The following CCR6 variants were observed in gnomAD, a reference collection of about 807,000 sequenced individuals.
CCR6 encodes C-C chemokine receptor type 6.
CCR6 carries 2 observed loss-of-function variants against 3.0 expected under a neutral mutation model. That is an observed-to-expected ratio of 0.66 (90% CI 0.27 to 2.07). The LOEUF is 2.07. Among genes scored for constraint, CCR6 ranks in the 30% most tolerant of loss-of-function variants. CCR6 has a pLI of 0.14. For missense variants in CCR6, 322 were observed against 462.8 expected (o/e 0.70, Z 2.79); for synonymous variants, 193 against 184.3 (o/e 1.05, Z -0.38).
intron 1 of CCR6, among the ~76,000 whole-genome samples, chr6:167,117,380 G>A (rs1256781691): frequency 6.7e-6 from 1 of 148,892 alleles, no homozygotes; most frequent in South Asian, 2.1e-4. Flanking sequence ...TCCTGGGTTT[G>A]CTGCTTACCG....
intron 1 of CCR6, among the ~76,000 whole-genome samples, chr6:167,130,951 C>T (rs9366091): frequency 0.039 from 5,698 of 147,572 alleles, 168 homozygotes; most frequent in East Asian, 0.079. Flanking sequence ...GCCCCCCTCC[C>T]TCCGGGACTC....
chr6:167,133,932 G>GTGTGTGTATATATATATATATA (rs1183741225), intron 1 of CCR6, among the ~76,000 whole-genome samples: 12 of 110,396 alleles, frequency 1.1e-4, no homozygotes, highest in East Asian at 2.6e-4. Context: ...ATATATGTGT[G>GTGTGTGTATATATATATATATA]TATATATATA....
chr6:167,120,708 A>G (rs181657698), upstream of CCR6, among the ~76,000 whole-genome samples: 1 of 152,260 alleles, frequency 6.6e-6, no homozygotes, highest in Non-Finnish European at 1.5e-5. Context: ...TTGCTGTGGA[A>G]TTTTCTGCCT....
upstream of CCR6, among the ~76,000 whole-genome samples, chr6:167,118,883 T>G (rs3093027): frequency 0.19 from 28,579 of 152,124 alleles, 4,401 homozygotes; most frequent in African/African-American, 0.42. Flanking sequence ...CTGGACGCCC[T>G]TGGTCCCGGC....
Position 167,136,198 on chromosome 6 carries a change from A to G in CCR6, c.10-42A>G. On this transcript the variant is annotated intron_variant, in intron 2 of 2. Transcript: ENST00000341935. The surrounding 1 kb of genome is among the most constrained non-coding windows in gnomAD (Gnocchi z 4.6). ...AATTTGGGTTCACTGTGGCTACTTG[A>G]ACACTACACTGCAGCTAACTCTATC... The G allele has an allele frequency of 6.2e-7, 1 of 1,611,732 alleles. No homozygotes were observed. The highest frequency in any genetic ancestry group is 8.5e-7 in the Non-Finnish European group (1 of 1,178,922).
chr6:167,114,034 G>A (rs934367874), intron 1 of CCR6, among the ~76,000 whole-genome samples: 1 of 152,224 alleles, frequency 6.6e-6, no homozygotes, highest in African/African-American at 2.4e-5. Flanking sequence ...GGGTGGACCA[G>A]GTCACACAAC....
chr6:167,130,310 G>T (rs998881697), intron 1 of CCR6, among the ~76,000 whole-genome samples: 1 of 151,780 alleles, frequency 6.6e-6, no homozygotes, highest in Non-Finnish European at 1.5e-5. Context: ...TCTGCCACTC[G>T]TAGATAACAG....
At chr6:167,131,546 G>A (rs41501249) in intron 1 of CCR6, 5,586 of 152,796 alleles carry the variant, frequency 0.037, 345 homozygotes, top group African/African-American at 0.13. Context: ...GTCCAACCCT[G>A]CAGCGACCGC....
intron 1 of CCR6, among the ~76,000 whole-genome samples, chr6:167,133,097 C>T (rs1256942866): frequency 3.3e-5 from 5 of 152,126 alleles, no homozygotes; most frequent in African/African-American, 4.8e-5. Flanking sequence ...GAGTGTCTTT[C>T]AAAGAGCAGA....
rs1781613795 is a variant in CCR6, at chr6:167,123,137, A to T, written c.-184A>T. On this transcript the variant is annotated 5_prime_UTR_variant, in exon 1 of 3. Transcript: ENST00000341935. ...CTGCTAGAAGCTGCATCTTATTGAC[A>T]GATGGTCATCACATTGGTGAGCTGG... 1 of 152,822 alleles carries T rather than the reference A, an allele frequency of 6.5e-6. No homozygotes were observed. Among genetic ancestry groups the T allele is most frequent in the Non-Finnish European group, 1.5e-5 (1 of 68,046 alleles). The allele number at this position is 152,822 out of a possible 1,614,324, so 9.5% of individuals were successfully genotyped here.
chr6:167,134,702 T>TTCC (rs1239414492), intron 1 of CCR6, among the ~76,000 whole-genome samples: 3 of 152,198 alleles, frequency 2.0e-5, no homozygotes, highest in African/African-American at 7.2e-5. Context: ...GGGGCTGCAC[T>TTCC]TCCCTAGCTG....
upstream of CCR6, chr6:167,120,740 A>G (rs935618248): frequency 6.6e-6 from 1 of 152,262 alleles, no homozygotes; most frequent in East Asian, 1.9e-4. Flanking sequence ...GTTATGAAAC[A>G]TGTGACTGTA....
At chr6:167,134,307 GC>G (rs1455916138) in intron 1 of CCR6, among the ~76,000 whole-genome samples, 2 of 152,122 alleles carry the variant, frequency 1.3e-5, no homozygotes, top group African/African-American at 4.8e-5. Flanking sequence ...CTCGTCACAT[GC>G]TTTTGCAACA....
chr6:167,133,670 G>A (rs1376735075), intron 1 of CCR6, among the ~76,000 whole-genome samples: 1 of 150,402 alleles, frequency 6.6e-6, no homozygotes, highest in Admixed American at 6.6e-5. Context: ...TTTAGTTTAT[G>A]TTGTATCTAC....
intron 1 of CCR6, among the ~76,000 whole-genome samples, chr6:167,114,392 C>G (rs1781462711): frequency 6.6e-6 from 1 of 152,182 alleles, no homozygotes. Flanking sequence ...GAGAGGAGTT[C>G]AGAATCACAG....
chr6:167,129,663 T>C (rs965581462), intron 1 of CCR6: 6 of 151,636 alleles, frequency 4.0e-5, no homozygotes, highest in African/African-American at 1.5e-4. Flanking sequence ...CTTTCTCTTG[T>C]CTTCAGAACA....
At chr6:167,133,381 C>G (rs1193462961) in intron 1 of CCR6, among the ~76,000 whole-genome samples, 2 of 152,120 alleles carry the variant, frequency 1.3e-5, no homozygotes, top group Non-Finnish European at 2.9e-5. Flanking sequence ...ATTGAGTTAC[C>G]TTGGCACCTA....
chr6:167,114,335 T>C (rs1251802135), intron 1 of CCR6, among the ~76,000 whole-genome samples: 1 of 152,222 alleles, frequency 6.6e-6, no homozygotes, highest in African/African-American at 2.4e-5. Context: ...TGAGACGGTC[T>C]AGCTCCCTCC....
rs1781880415 is a variant in CCR6, at chr6:167,138,294, A to T, written c.*939A>T. 2.2e-5 allele frequency: 3 copies of T among 138,768 alleles called. No homozygotes were observed. The South Asian group carries it at 7.1e-4, about 33-fold the overall frequency. 8.6% of individuals were successfully genotyped at this position (138,768 alleles called of 1,614,324 possible). ...AAATGTTAGATGTTTTTAATTTTTT[A>T]AATAAATGGAATACTTTTTTTTTTT... On this transcript the variant is annotated 3_prime_UTR_variant, in exon 3 of 3. Coordinates refer to ENST00000341935, the MANE Select transcript of CCR6 (RefSeq NM_031409.4).
Sources: gnomAD v4.1 joint callset for allele counts (sites outside exome capture counted in the v4.1 genomes callset) on GRCh38, gnomAD v4.1.1 for gene constraint, Gnocchi (gnomAD v3.1) non-coding constraint, MANE v1.5 for transcripts, NCBI Gene and HGNC (gene_info 2026-07-23, HGNC 2026-07-21) for gene names.